Variants in PDE4B observed in about 807,000 individuals in gnomAD.
The protein encoded by PDE4B is phosphodiesterase 4B, also known as 3',5'-cyclic-AMP phosphodiesterase 4B.
In PDE4B, 20 loss-of-function variants were observed where a neutral mutation model predicts 82.2. The observed-to-expected ratio is 0.24, with a 90% CI of 0.17 to 0.35. The LOEUF (loss-of-function observed/expected upper bound fraction) is 0.35, where lower values mean the gene tolerates loss of function less well. Ranked by LOEUF, PDE4B falls within the 10% of genes least tolerant of loss-of-function variation. The pLI is 1.00. For synonymous variants in PDE4B, 320 were observed against 318.9 expected, an observed-to-expected ratio of 1.00 and a Z score of -0.04; for missense variants, 655 against 907.2, an observed-to-expected ratio of 0.72 and a Z score of 3.57.
chr1:66,161,843 A>G (rs920693607), intron 3 of PDE4B, among the ~76,000 whole-genome samples: 1 of 152,154 alleles, frequency 6.6e-6, no homozygotes, highest in African/African-American at 2.4e-5. Flanking sequence ...AGAGCAAGGG[A>G]TTTACAACCA....
At chr1:66,348,969 G>A (rs986754172) in intron 8 of PDE4B, among the ~76,000 whole-genome samples, 10 of 152,022 alleles carry the variant, frequency 6.6e-5, no homozygotes, top group Admixed American at 5.9e-4. Context: ...TCTAGGAAAC[G>A]TCAATTTTTT....
intron 1 of PDE4B, among the ~76,000 whole-genome samples, chr1:65,912,640 T>G (rs1647108786): frequency 6.6e-6 from 1 of 152,240 alleles, no homozygotes; most frequent in South Asian, 2.1e-4. Context: ...TGATAAGTAA[T>G]TGCCTACTAG....
intron 3 of PDE4B, among the ~76,000 whole-genome samples, chr1:66,000,543 G>A (rs375009220): frequency 4.6e-5 from 7 of 152,234 alleles, no homozygotes; most frequent in African/African-American, 7.2e-5. Context: ...AGGAGGTTGG[G>A]GACCTCTGTC....
At position 65,918,697 on chromosome 1, in the gene PDE4B, GA is replaced by G; in HGVS notation, c.146del (p.Asn49ThrfsTer31). On this transcript the variant is annotated frameshift_variant, in exon 3 of 17. Transcript: ENST00000341517. LOFTEE classifies it high-confidence loss of function. ...DLWRGRRCCSGNLQLPPLSQR... is the reference protein window; with the variant it reads ...DLWRGRRCCSXNLQLPPLSQR... ...TGGAGAGGGAGAAGGTGTTGCTCAG[GA>G]AACTTACAGTTACCACCACTGTCTC... 1.9e-6 allele frequency: 3 copies of G among 1,613,716 alleles called. No homozygotes were observed. The highest frequency in any genetic ancestry group is 2.5e-6 in the Non-Finnish European group (3 of 1,179,612).
chr1:66,356,937 C>A (rs1408842913), intron 9 of PDE4B, among the ~76,000 whole-genome samples: 1 of 152,200 alleles, frequency 6.6e-6, no homozygotes, highest in East Asian at 1.9e-4. Flanking sequence ...TCTAACTTTA[C>A]AGAAAGCATT....
chr1:65,953,267 A>G (rs1649093107), intron 3 of PDE4B, among the ~76,000 whole-genome samples: 2 of 152,142 alleles, frequency 1.3e-5, no homozygotes. Flanking sequence ...TATAATTTAC[A>G]GAGCAAGCTG....
intron 3 of PDE4B, among the ~76,000 whole-genome samples, chr1:65,936,232 G>T (rs1314105461): frequency 2.6e-5 from 4 of 151,748 alleles, no homozygotes; most frequent in Non-Finnish European, 5.9e-5. Context: ...CCTTCTTCTG[G>T]AATACCTCCT....
At chr1:66,303,568 C>G (rs898694047) in intron 7 of PDE4B, among the ~76,000 whole-genome samples, 2 of 152,036 alleles carry the variant, frequency 1.3e-5, no homozygotes, top group African/African-American at 4.8e-5. Context: ...ACTTTGTACC[C>G]TTTGACCAAT....
At chr1:66,210,571 G>T (rs564997653) in intron 3 of PDE4B, among the ~76,000 whole-genome samples, 1 of 143,216 alleles carries the variant, frequency 7.0e-6, no homozygotes, top group Non-Finnish European at 1.5e-5. Context: ...ACTCCAGCCT[G>T]GGTGACAGAG....
At chr1:65,963,918 T>G (rs1161552049) in intron 3 of PDE4B, among the ~76,000 whole-genome samples, 1 of 152,186 alleles carries the variant, frequency 6.6e-6, no homozygotes. Flanking sequence ...CTCTCTTTTA[T>G]CCCTATTTAT....
At chr1:65,817,416 C>G (rs960191655) in intron 1 of PDE4B, among the ~76,000 whole-genome samples, 4 of 152,182 alleles carry the variant, frequency 2.6e-5, no homozygotes, top group Non-Finnish European at 5.9e-5. Context: ...AAGCAAGACT[C>G]TTCTGTAACT....
chr1:66,339,272 AG>A (rs961825050), intron 8 of PDE4B, among the ~76,000 whole-genome samples: 3 of 152,234 alleles, frequency 2.0e-5, no homozygotes, highest in Admixed American at 6.5e-5. Flanking sequence ...TCATTGTTTC[AG>A]TTACTCTTTC....
chr1:66,320,551 T>C (rs1268052870), intron 7 of PDE4B, among the ~76,000 whole-genome samples: 1 of 152,224 alleles, frequency 6.6e-6, no homozygotes, highest in Admixed American at 6.5e-5. Flanking sequence ...ACATTGTGTC[T>C]TTGATACTGT....
intron 3 of PDE4B, among the ~76,000 whole-genome samples, chr1:66,119,116 T>A (rs1183601222): frequency 6.6e-6 from 1 of 152,246 alleles, no homozygotes; most frequent in Non-Finnish European, 1.5e-5. Flanking sequence ...CTATTTCAGA[T>A]CCATGTAATC....
At chr1:66,094,431 T>C (rs1645078316) in intron 3 of PDE4B, 1 of 152,018 alleles carries the variant, frequency 6.6e-6, no homozygotes, top group South Asian at 2.1e-4. Context: ...TATGAACAAT[T>C]GTGTTAAAAT....
At chr1:66,301,671 G>A (rs1157361507) in intron 7 of PDE4B, among the ~76,000 whole-genome samples, 1 of 151,750 alleles carries the variant, frequency 6.6e-6, no homozygotes, top group East Asian at 1.9e-4. Context: ...TGATAGAATA[G>A]TAACAATTAC....
At chr1:65,867,973 A>G (rs1277594744) in intron 1 of PDE4B, among the ~76,000 whole-genome samples, 1 of 152,238 alleles carries the variant, frequency 6.6e-6, no homozygotes, top group Non-Finnish European at 1.5e-5. Flanking sequence ...CAGTTAATAG[A>G]CATTTAATGA....
intron 7 of PDE4B, among the ~76,000 whole-genome samples, chr1:66,294,768 G>A (rs1336681195): frequency 6.6e-6 from 1 of 151,986 alleles, no homozygotes; most frequent in Non-Finnish European, 1.5e-5. Context: ...GGAGAGACAC[G>A]GTTAAGAGAC....
chr1:66,162,806 G>T (rs1646644077), intron 3 of PDE4B, among the ~76,000 whole-genome samples: 1 of 152,112 alleles, frequency 6.6e-6, no homozygotes, highest in African/African-American at 2.4e-5. Flanking sequence ...CATAGTGTAT[G>T]AATGAGGTGG....
Sources: allele counts gnomAD v4.1 joint callset (sites outside exome capture counted in the v4.1 genomes callset), GRCh38; gene constraint gnomAD v4.1.1; transcripts MANE v1.5; gene names NCBI Gene and HGNC (gene_info 2026-07-23, HGNC 2026-07-21).